RAB27B: variants seen among roughly 807,000 people sequenced by gnomAD.
RAB27B encodes RAB27B, member RAS oncogene family, also known as ras-related protein Rab-27B.
Under a neutral mutation model 24.6 loss-of-function variants are expected in RAB27B, and 15 were observed. The observed-to-expected ratio is 0.61, with a 90% CI of 0.41 to 0.94. The LOEUF (loss-of-function observed/expected upper bound fraction) is 0.94. RAB27B is among the 40% of genes least tolerant of loss of function. The probability of loss-of-function intolerance (pLI) is 0.00; values close to 1 mark genes in which losing one functional copy is unlikely to be tolerated. For synonymous variants in RAB27B, 105 were observed against 92.5 expected (o/e 1.14, Z -0.78); for missense variants, 261 against 266.8 (o/e 0.98, Z 0.15).
At chr18:54,848,747 A>AT (rs1352153103) in intron 1 of RAB27B, among the ~76,000 whole-genome samples, 1 of 152,192 alleles carries the variant, frequency 6.6e-6, no homozygotes, top group African/African-American at 2.4e-5. Flanking sequence ...GTAAAACCAT[A>AT]AAAAGATTTC....
chr18:54,725,392 G>A lies in RAB27B; in HGVS notation c.-20+7251G>A, dbSNP rs1482967507. On this transcript the variant is annotated intron_variant, in intron 2 of 4. Coordinates refer to the RAB27B transcript ENST00000586570. Reference sequence around the variant, plus strand: ...AGTTTCCAAACAGTGACTGAACTACGTGACTTCAATGTACCTTACTTACCT... The same window carrying A: ...AGTTTCCAAACAGTGACTGAACTACATGACTTCAATGTACCTTACTTACCT... Among the ~76,000 whole-genome samples the A allele has an allele frequency of 3.4e-4, 51 of 151,342 alleles. 1 individual carries two copies. The highest frequency in any genetic ancestry group is 3.3e-3 in the Admixed American group (50 of 15,134).
intron 1 of RAB27B, among the ~76,000 whole-genome samples, chr18:54,830,184 T>A (rs1910620601): frequency 6.6e-6 from 1 of 152,198 alleles, no homozygotes; most frequent in Admixed American, 6.5e-5. Context: ...CCTAATATAA[T>A]TGATCTTCTT....
intron 1 of RAB27B, among the ~76,000 whole-genome samples, chr18:54,857,808 T>C (rs1026352083): frequency 6.6e-6 from 1 of 152,274 alleles, no homozygotes; most frequent in African/African-American, 2.4e-5. Flanking sequence ...AATGCAGTTA[T>C]GCTTCAGAAA....
At position 54,870,931 on chromosome 18, in the gene RAB27B, G is replaced by A. The variant is rs543520588; in HGVS notation, c.-19-6636G>A. On this transcript the variant is annotated intron_variant, in intron 1 of 5. Transcript: ENST00000262094. ...TTGATAATTTAGAAGCTGAGTGATC[G>A]ATTATACTATTCTCTCAAATTTAGT... is the stretch of plus-strand genomic sequence containing the variant. Among the ~76,000 whole-genome samples, 22 of 152,200 alleles carry A rather than the reference G, an allele frequency of 1.4e-4. No homozygotes were observed. The South Asian group carries it at 2.9e-3, about 20-fold the overall frequency.
At chr18:54,811,515 A>G (rs984766421) in intron 2 of RAB27B, among the ~76,000 whole-genome samples, 15 of 152,142 alleles carry the variant, frequency 9.9e-5, no homozygotes, top group Non-Finnish European at 1.9e-4. Flanking sequence ...CACAATTTAC[A>G]CGAGAGGAGG....
At chr18:54,747,065 A>G (rs1317652180) in intron 2 of RAB27B, among the ~76,000 whole-genome samples, 1 of 152,114 alleles carries the variant, frequency 6.6e-6, no homozygotes, top group Non-Finnish European at 1.5e-5. Flanking sequence ...GCTTTGGATT[A>G]TTTTATAAAG....
intron 1 of RAB27B, among the ~76,000 whole-genome samples, chr18:54,870,599 A>G (rs1024858616): frequency 3.3e-5 from 5 of 152,208 alleles, no homozygotes; most frequent in Non-Finnish European, 5.9e-5. Context: ...TTGTACATCT[A>G]GAAAATTCAA....
intron 2 of RAB27B, among the ~76,000 whole-genome samples, chr18:54,813,237 A>T (rs577767468): frequency 6.6e-6 from 1 of 152,294 alleles, no homozygotes; most frequent in East Asian, 1.9e-4. Context: ...CTTGAAGCAG[A>T]GGTAAGAGGA....
In RAB27B at chr18:54,889,218, T is replaced by C; in HGVS notation, c.468-6T>C. ...TCAAAAATATTTGCCATCCTTTCTA[T>C]GCTAGCATACCATATTTTGAAACAA... On this transcript the variant is annotated splice_polypyrimidine_tract_variant and splice_region_variant and intron_variant, in intron 5 of 5. Coordinates refer to ENST00000262094, the MANE Select transcript of RAB27B (RefSeq NM_004163.4). 1 of 1,603,676 alleles carries C rather than the reference T, an allele frequency of 6.2e-7. No homozygotes were observed. The highest frequency in any genetic ancestry group is 1.1e-5 in the South Asian group (1 of 88,784).
chr18:54,751,927 TG>T (rs1178973509), intron 2 of RAB27B, among the ~76,000 whole-genome samples: 1 of 152,166 alleles, frequency 6.6e-6, no homozygotes, highest in East Asian at 1.9e-4. Flanking sequence ...TCATTTCTCT[TG>T]GGCTACAAAG....
intron 2 of RAB27B, among the ~76,000 whole-genome samples, chr18:54,822,189 A>G (rs994885121): frequency 1.4e-4 from 22 of 152,240 alleles, no homozygotes; most frequent in Admixed American, 1.4e-3. Context: ...ATAAGGAAAC[A>G]ATCATCAAAT....
At chr18:54,843,104 T>C (rs1911182410) in intron 1 of RAB27B, among the ~76,000 whole-genome samples, 1 of 152,172 alleles carries the variant, frequency 6.6e-6, no homozygotes, top group Admixed American at 6.5e-5. Flanking sequence ...CCAATAATAT[T>C]ATTTTTTAAT....
At chr18:54,887,848 C>T in intron 4 of RAB27B, 147 bp from the exon 5 acceptor site, 1 of 817,638 alleles carries the variant, frequency 1.2e-6, no homozygotes, top group East Asian at 2.7e-5. Flanking sequence ...CACATTGTGA[C>T]TGGGAAGAGG....
intron 2 of RAB27B, among the ~76,000 whole-genome samples, chr18:54,811,349 T>G (rs1909958156): frequency 6.6e-6 from 1 of 152,140 alleles, no homozygotes; most frequent in African/African-American, 2.4e-5. Context: ...TTTTGGGGGA[T>G]GTGAGATATT....
At chr18:54,799,571 G>T (rs1326924669) in intron 2 of RAB27B, among the ~76,000 whole-genome samples, 1 of 148,126 alleles carries the variant, frequency 6.8e-6, no homozygotes, top group Admixed American at 6.8e-5. Flanking sequence ...AGGTATACTT[G>T]CAATATATAC....
At chr18:54,827,202 A>G (rs1910502696), upstream of RAB27B, among the ~76,000 whole-genome samples, 1 of 152,364 alleles carries the variant, frequency 6.6e-6, no homozygotes, top group East Asian at 1.9e-4. Context: ...TAGATCCAAA[A>G]TAATTTTTAG....
In RAB27B at chr18:54,868,234, A is replaced by G. The variant is rs1912318913; in HGVS notation, c.-19-9333A>G. ...GATGTTCTACTTCTAAGGTCCAGTC[A>G]GGAACCTTGGCTGTGTCATTTAAAA... On this transcript the variant is annotated intron_variant, in intron 1 of 5. Transcript: ENST00000262094. 2.0e-5 allele frequency among the ~76,000 whole-genome samples: 3 copies of G among 152,216 alleles called. No homozygotes were observed. In the South Asian group the frequency reaches 6.2e-4, roughly 32 times the overall value.
rs1182940268 is a variant in RAB27B at position 54,866,031 on chromosome 18, C to T, written c.-19-11536C>T. ...TTTTCTAAACTTTAAAAAATAAAGA[C>T]AGATACCTCATGCTGTATTATCAAC... On this transcript the variant is annotated intron_variant, in intron 1 of 5. Transcript: ENST00000262094. Among the ~76,000 whole-genome samples the T allele has an allele frequency of 4.6e-5, 7 of 152,130 alleles. No homozygotes were observed. In the East Asian group the frequency reaches 1.4e-3, roughly 29 times the overall value.
chr18:54,874,847 T>C (rs1912628575), intron 1 of RAB27B, among the ~76,000 whole-genome samples: 1 of 152,136 alleles, frequency 6.6e-6, no homozygotes, highest in Non-Finnish European at 1.5e-5. Flanking sequence ...CCCTCCAAAA[T>C]AGTTTTACAT....
Sources: gnomAD v4.1 joint callset for allele counts (sites outside exome capture counted in the v4.1 genomes callset) on GRCh38, gnomAD v4.1.1 for gene constraint, MANE v1.5 for transcripts, NCBI Gene and HGNC (gene_info 2026-07-23, HGNC 2026-07-21) for gene names.